Variants in DNAH6 observed in about 807,000 individuals in gnomAD.
DNAH6 encodes the protein axonemal beta dynein heavy chain 6.
A neutral mutation model predicts 491.4 loss-of-function variants in DNAH6; 340 were observed. That is an observed-to-expected ratio of 0.69 (90% CI 0.63 to 0.76). The LOEUF (loss-of-function observed/expected upper bound fraction) is 0.76. Among genes scored for constraint, DNAH6 ranks in the 30% least tolerant of loss-of-function variants. DNAH6 has a pLI of 0.00. For missense variants in DNAH6, 4,443 were observed against 4,972.2 expected (o/e 0.89, Z 3.20); for synonymous variants, 1,603 against 1,686.1 (o/e 0.95, Z 1.21).
At chr2:84,464,951 G>A in the DNAH6 span, among the ~76,000 whole-genome samples, 3 of 151,994 alleles carry the variant, frequency 2.0e-5, no homozygotes, top group South Asian at 2.1e-4. Flanking sequence ...TGGTTCACAC[G>A]CCTCTGACAT....
intron 37 of DNAH6, among the ~76,000 whole-genome samples, chr2:84,668,101 G>A (rs1257617559): frequency 6.6e-6 from 1 of 152,040 alleles, no homozygotes; most frequent in Non-Finnish European, 1.5e-5. Context: ...GGGGCGGGGG[G>A]AGGTGGGAGG....
chr2:84,721,568 G>A (rs1698163891), intron 59 of DNAH6, among the ~76,000 whole-genome samples: 1 of 152,186 alleles, frequency 6.6e-6, no homozygotes, highest in Admixed American at 6.5e-5. Context: ...ATACACAACA[G>A]ATTTCAAGGG....
chr2:84,806,919 T>A (rs1326122503), intron 71 of DNAH6, among the ~76,000 whole-genome samples: 1 of 151,946 alleles, frequency 6.6e-6, no homozygotes, highest in African/African-American at 2.4e-5. Context: ...GCAAACAGAG[T>A]CATTAAATAT....
rs982353441 is a variant in DNAH6 at position 84,624,541 on chromosome 2, C to T, written c.4274C>T (p.Ala1425Val). The stretch of plus-strand genomic sequence containing the variant: ...GATATAGACCTGGATAATTGTGTGG[C>T]TAGAATGGCGCTCTCTCAGTACACT... ...YWDIDLDNCV[A>V]RMALSQYTYG... Residue 1425 changes from alanine (A) to valine (V), a missense_variant, in exon 28 of 77, where the codon GCT (alanine) becomes GTT (valine). By Grantham distance (64) the Ala-to-Val change is moderately conservative. Coordinates refer to ENST00000389394, the MANE Select transcript of DNAH6 (RefSeq NM_001370.2). 4.5e-6 allele frequency: 7 copies of T among 1,551,568 alleles called. No homozygotes were observed. The African/African-American group carries it at 9.6e-5, about 21-fold the overall frequency.
chr2:84,555,628 T>A lies in DNAH6; in HGVS notation c.1603-2107T>A, dbSNP rs1162314777. On this transcript the variant is annotated intron_variant, in intron 10 of 76. Coordinates refer to ENST00000389394, the MANE Select transcript of DNAH6 (RefSeq NM_001370.2). ...GTCTCTATCTATAGATCCAATACTT[T>A]TCTTTTAAGCCCCACTCATGGTCAT... is the stretch of plus-strand genomic sequence containing the variant. Among the ~76,000 whole-genome samples the A allele has an allele frequency of 5.9e-5, 9 of 152,316 alleles. No individual in the cohort carries two copies. The East Asian group carries it at 1.7e-3, about 29-fold the overall frequency.
At chr2:84,534,627 CA>C (rs1199604673) in intron 4 of DNAH6, among the ~76,000 whole-genome samples, 4 of 151,806 alleles carry the variant, frequency 2.6e-5, no homozygotes, top group African/African-American at 9.7e-5. Flanking sequence ...CCTTTTGACA[CA>C]ATATTAGGTG....
At chr2:84,605,782 T>TA (rs1311262654) in intron 20 of DNAH6, among the ~76,000 whole-genome samples, 190 bp downstream of exon 20, 2 of 152,156 alleles carry the variant, frequency 1.3e-5, no homozygotes, top group African/African-American at 4.8e-5. Context: ...AACAAAGCAT[T>TA]AAAAATTTCA....
intron 4 of DNAH6, among the ~76,000 whole-genome samples, chr2:84,532,052 A>G (rs1273819876): frequency 6.6e-6 from 1 of 152,172 alleles, no homozygotes; most frequent in Non-Finnish European, 1.5e-5. Flanking sequence ...CCAGATATCA[A>G]AGAGTACTAT....
intron 70 of DNAH6, among the ~76,000 whole-genome samples, chr2:84,802,748 A>C (rs1679048343): frequency 6.6e-6 from 1 of 152,180 alleles, no homozygotes; most frequent in East Asian, 1.9e-4. Flanking sequence ...CCAATAACCA[A>C]AGAATATACA....
At chr2:84,818,483 TCAAAAAAAAA>T (rs1450683188) in intron 76 of DNAH6, among the ~76,000 whole-genome samples, 3 of 35,552 alleles carry the variant, frequency 8.4e-5, no homozygotes, top group African/African-American at 2.7e-4. Flanking sequence ...AGACCCTATC[TCAAAAAAAAA>T]AAAAAAAAAA....
chr2:84,753,796 T>C (rs1351749431), intron 63 of DNAH6, among the ~76,000 whole-genome samples: 1 of 148,072 alleles, frequency 6.8e-6, no homozygotes, highest in Non-Finnish European at 1.5e-5. Context: ...TTTTGGCTCT[T>C]ACATTTAGAT....
chr2:84,608,053 G>T (rs1445296635), intron 21 of DNAH6, among the ~76,000 whole-genome samples: 7 of 152,098 alleles, frequency 4.6e-5, no homozygotes, highest in Non-Finnish European at 5.9e-5. Flanking sequence ...TTTTCACCAG[G>T]AATAGATTCC....
chr2:84,534,173 C>T (rs1392698087), intron 4 of DNAH6, among the ~76,000 whole-genome samples: 1 of 152,030 alleles, frequency 6.6e-6, no homozygotes, highest in African/African-American at 2.4e-5. Context: ...ATGTTTAACA[C>T]AGCTATAAGG....
chr2:84,547,044 A>G (rs1024690655), intron 5 of DNAH6, among the ~76,000 whole-genome samples: 4 of 152,224 alleles, frequency 2.6e-5, no homozygotes, highest in Admixed American at 6.5e-5. Context: ...TGTTTTCAAA[A>G]TCAAAAGAAA....
At position 84,762,889 on chromosome 2, in the gene DNAH6, C is replaced by T. The variant is rs1674723789; in HGVS notation, c.10647C>T (p.Gly3549=). The change falls in exon 64 of 77, where the codon GGC becomes GGT. Residue 3549 remains glycine, a synonymous_variant. Coordinates refer to ENST00000389394, the MANE Select transcript of DNAH6 (RefSeq NM_001370.2). ...CCCTGGTATTCATCCTAAGCACAGG[C>T]TCAGATCCCATGGGTGCATTTCAGA... ...NTPLVFILST[G]SDPMGAFQRF... 1 of 1,551,500 alleles carries T rather than the reference C, an allele frequency of 6.4e-7. No homozygotes were observed. The highest frequency in any genetic ancestry group is 2.4e-5 in the East Asian group (1 of 40,926).
chr2:84,650,761 C>A (rs911018424), intron 33 of DNAH6, among the ~76,000 whole-genome samples: 1 of 152,136 alleles, frequency 6.6e-6, no homozygotes, highest in African/African-American at 2.4e-5. Flanking sequence ...TTTAACGTTT[C>A]TCTCATCTCA....
rs1265872804 is a variant in DNAH6, at chr2:84,789,681, TAA to T, written c.11239+2383_11239+2384del. On this transcript the variant is annotated intron_variant, in intron 68 of 76. Transcript: ENST00000389394. ...CATCTGCTTATTATGAGAGTATTTT[TAA>T]AAAGTTAGCCAAAACTTTAGCAGGA... 3.9e-5 allele frequency among the ~76,000 whole-genome samples: 6 copies of T among 152,330 alleles called. No individual in the cohort carries two copies. The East Asian group carries it at 1.2e-3, about 29-fold the overall frequency.
intron 37 of DNAH6, among the ~76,000 whole-genome samples, chr2:84,665,869 C>T (rs542199095): frequency 5.9e-5 from 9 of 152,076 alleles, no homozygotes; most frequent in Middle Eastern, 3.2e-3. Context: ...GCTGGCAAAC[C>T]GAATCCAGCA....
intron 51 of DNAH6, among the ~76,000 whole-genome samples, chr2:84,705,061 G>C (rs966496649): frequency 3.3e-5 from 5 of 152,156 alleles, no homozygotes; most frequent in African/African-American, 1.2e-4. Context: ...ATGGTAGGAA[G>C]ATCAATCTGG....
Sources: allele counts gnomAD v4.1 joint callset (sites outside exome capture counted in the v4.1 genomes callset), GRCh38; gene constraint gnomAD v4.1.1; transcripts MANE v1.5; gene names NCBI Gene and HGNC (gene_info 2026-07-23, HGNC 2026-07-21).